The following CFAP61 variants were observed in gnomAD, a reference collection of about 807,000 sequenced individuals.
CFAP61 encodes cilia- and flagella-associated protein 61.
CFAP61 carries 107 observed loss-of-function variants against 135.6 expected under a neutral mutation model. The ratio of observed to expected loss-of-function variants is 0.79; its 90% CI spans 0.67 to 0.93. The LOEUF is 0.93. Ranked by LOEUF, CFAP61 falls within the 40% of genes least tolerant of loss-of-function variation. The pLI is 0.00. For synonymous variants in CFAP61, 575 were observed against 578.5 expected (o/e 0.99, Z 0.09); for missense variants, 1,507 against 1,556.2 (o/e 0.97, Z 0.53).
chr20:20,281,380 G>A (rs980347458), intron 22 of CFAP61, among the ~76,000 whole-genome samples: 2 of 152,100 alleles, frequency 1.3e-5, no homozygotes, highest in African/African-American at 4.8e-5. Flanking sequence ...TTTGGCTGTG[G>A]ATTTTTCTTT....
chr20:20,323,761 A>G (rs1468495926), intron 25 of CFAP61, among the ~76,000 whole-genome samples: 1 of 152,220 alleles, frequency 6.6e-6, no homozygotes. Flanking sequence ...CGGGGGTATG[A>G]AATAAAGAAT....
intron 25 of CFAP61, among the ~76,000 whole-genome samples, chr20:20,314,619 C>T (rs1205795559): frequency 6.9e-6 from 1 of 145,750 alleles, no homozygotes; most frequent in Non-Finnish European, 1.5e-5. Context: ...ATGTGCCATG[C>T]TGGTGGGCTG....
At chr20:20,162,259 C>T (rs960649715) in intron 10 of CFAP61, among the ~76,000 whole-genome samples, 9 of 152,166 alleles carry the variant, frequency 5.9e-5, no homozygotes, top group African/African-American at 2.2e-4. Context: ...ATCTCCTCAT[C>T]ATAGAACCCT....
chr20:20,291,120 C>G (rs1212796374), intron 24 of CFAP61, among the ~76,000 whole-genome samples: 1 of 152,132 alleles, frequency 6.6e-6, no homozygotes, highest in Non-Finnish European at 1.5e-5. Context: ...CATCCCCCAC[C>G]AGTGATATAT....
intron 24 of CFAP61, among the ~76,000 whole-genome samples, chr20:20,294,361 T>A (rs2055234506): frequency 6.6e-6 from 1 of 152,252 alleles, no homozygotes; most frequent in Non-Finnish European, 1.5e-5. Context: ...TTGAGTGAAT[T>A]GTATTTAACA....
intron 3 of CFAP61, 131 bp downstream of exon 3, chr20:20,071,135 C>T: frequency 2.1e-6 from 2 of 933,916 alleles, no homozygotes; most frequent in Non-Finnish European, 3.1e-6. Context: ...GTGAAGGGAG[C>T]TGGTGGGGAG....
chr20:20,118,776 G>A (rs1158031586), intron 8 of CFAP61, among the ~76,000 whole-genome samples: 1 of 151,950 alleles, frequency 6.6e-6, no homozygotes, highest in Non-Finnish European at 1.5e-5. Context: ...TTAATGGGAT[G>A]TATCACATTT....
chr20:20,142,798 G>A (rs2051515812), intron 8 of CFAP61, 59 bp from the exon 9 acceptor site: 1 of 951,416 alleles, frequency 1.1e-6, no homozygotes, highest in Non-Finnish European at 1.7e-6. Context: ...CTAATTTCCT[G>A]TGATTCTGCA....
intron 19 of CFAP61, among the ~76,000 whole-genome samples, chr20:20,247,064 C>T (rs2050507132): frequency 6.6e-6 from 1 of 152,172 alleles, no homozygotes; most frequent in Non-Finnish European, 1.5e-5. Flanking sequence ...AGATCCTGCC[C>T]CTGCCACGAA....
intron 13 of CFAP61, among the ~76,000 whole-genome samples, chr20:20,179,056 G>C (rs1214168531): frequency 2.0e-5 from 3 of 151,880 alleles, no homozygotes; most frequent in Admixed American, 6.6e-5. Flanking sequence ...AGACATAAAG[G>C]GCATCCAGAT....
intron 8 of CFAP61, 99 bp downstream of exon 8, chr20:20,098,913 A>G (rs1351715481): frequency 1.3e-5 from 14 of 1,100,602 alleles, no homozygotes; most frequent in African/African-American, 1.6e-5. Context: ...GATGCTTTAT[A>G]TTTCCTTCCC....
At chr20:20,271,141 T>A (rs147279502) in intron 21 of CFAP61, among the ~76,000 whole-genome samples, 44 of 152,016 alleles carry the variant, frequency 2.9e-4, no homozygotes, top group Non-Finnish European at 5.6e-4. Flanking sequence ...AAGTTTTTTT[T>A]AAAAACTAGC....
At chr20:20,196,234 C>A (rs1023547643) in intron 15 of CFAP61, among the ~76,000 whole-genome samples, 1 of 152,172 alleles carries the variant, frequency 6.6e-6, no homozygotes, top group Non-Finnish European at 1.5e-5. Context: ...GGCTTGTGCT[C>A]ACATCGCCTG....
At chr20:20,247,811 G>A (rs996601295) in intron 19 of CFAP61, among the ~76,000 whole-genome samples, 12 of 152,098 alleles carry the variant, frequency 7.9e-5, no homozygotes, top group African/African-American at 2.9e-4. Flanking sequence ...CCACCTTGAG[G>A]TCTCTGCTTT....
intron 21 of CFAP61, among the ~76,000 whole-genome samples, chr20:20,267,075 C>T (rs979957434): frequency 7.9e-5 from 12 of 152,138 alleles, no homozygotes; most frequent in African/African-American, 2.9e-4. Flanking sequence ...TCCGTGTACA[C>T]CAGGTGCCAG....
chr20:20,281,826 C>T (rs191005154), intron 22 of CFAP61, among the ~76,000 whole-genome samples: 1 of 152,164 alleles, frequency 6.6e-6, no homozygotes, highest in Non-Finnish European at 1.5e-5. Flanking sequence ...AAAGTTTGTG[C>T]AAGATTGGTA....
chr20:20,134,122 A>T (rs977781582), intron 8 of CFAP61, among the ~76,000 whole-genome samples: 1 of 152,210 alleles, frequency 6.6e-6, no homozygotes, highest in Non-Finnish European at 1.5e-5. Flanking sequence ...CTTGAAGGAT[A>T]AAAGAGTGTG....
At chr20:20,210,643 TGCCCCTCTG>T (rs1386535778) in intron 17 of CFAP61, among the ~76,000 whole-genome samples, 1 of 152,230 alleles carries the variant, frequency 6.6e-6, no homozygotes, top group Non-Finnish European at 1.5e-5. Context: ...AGACCACGAA[TGCCCCTCTG>T]GGGCTGGCCG....
chr20:20,337,567 TGG>T (rs2058269411), intron 25 of CFAP61, among the ~76,000 whole-genome samples: 5 of 1,924 alleles, frequency 2.6e-3, no homozygotes, highest in Non-Finnish European at 0.011. Context: ...GATGGATGGA[TGG>T]ATGGATGGAT....
Sources: allele counts gnomAD v4.1 joint callset (sites outside exome capture counted in the v4.1 genomes callset), GRCh38; gene constraint gnomAD v4.1.1; transcripts MANE v1.5; gene names NCBI Gene and HGNC (gene_info 2026-07-23, HGNC 2026-07-21).